The following OR51B5 variants were observed in gnomAD, a reference collection of about 807,000 sequenced individuals.
OR51B5 encodes olfactory receptor 51B5.
For synonymous variants in OR51B5, 186 were observed against 144.8 expected (o/e 1.28, Z -2.04); for missense variants, 456 against 374.6 (o/e 1.22, Z -1.79).
intron 1 of OR51B5, among the ~76,000 whole-genome samples, chr11:5,500,024 T>C (rs908746904): frequency 8.5e-5 from 13 of 152,194 alleles, no homozygotes; most frequent in African/African-American, 3.1e-4. Flanking sequence ...CTGCCTAGCC[T>C]AGGGGTATAA....
At chr11:5,472,335 G>A (rs748393857) in intron 1 of OR51B5, among the ~76,000 whole-genome samples, 1 of 152,190 alleles carries the variant, frequency 6.6e-6, no homozygotes, top group Non-Finnish European at 1.5e-5. Context: ...CTATGAAGGA[G>A]GTGCCTGAGG....
intron 1 of OR51B5, among the ~76,000 whole-genome samples, chr11:5,434,672 C>T (rs900823323): frequency 2.0e-5 from 3 of 152,162 alleles, no homozygotes; most frequent in African/African-American, 7.2e-5. Context: ...AAAAGATTGG[C>T]AACGTCAAGG....
At position 5,460,047 on chromosome 11, in the gene OR51B5, T is replaced by C. The variant is rs144276495; in HGVS notation, n.84+45522A>G. On this transcript the variant is annotated intron_variant and non_coding_transcript_variant, in intron 1 of 4. Transcript: ENST00000415970. The stretch of plus-strand genomic sequence containing the variant: ...TACACCATGGAATTCTACACAGCAA[T>C]AAAAAATAAAGCCATAAAAAATAAG... Among the ~76,000 whole-genome samples, 60 of 151,792 alleles carry C rather than the reference T, an allele frequency of 4.0e-4. 1 individual carries two copies. In the East Asian group the frequency reaches 0.011, roughly 28 times the overall value.
intron 1 of OR51B5, among the ~76,000 whole-genome samples, chr11:5,469,870 G>T (rs1043976195): frequency 1.3e-5 from 2 of 152,084 alleles, no homozygotes; most frequent in Non-Finnish European, 2.9e-5. Context: ...TCTTGTGCAA[G>T]TGATGACATC....
intron 1 of OR51B5, among the ~76,000 whole-genome samples, chr11:5,475,174 T>C (rs1461006532): frequency 6.6e-6 from 1 of 152,200 alleles, no homozygotes; most frequent in African/African-American, 2.4e-5. Flanking sequence ...CCCACATTAT[T>C]CAGCCCTCTT....
intron 1 of OR51B5, among the ~76,000 whole-genome samples, chr11:5,395,642 C>T (rs1395043452): frequency 1.3e-5 from 2 of 152,156 alleles, no homozygotes; most frequent in African/African-American, 4.8e-5. Context: ...TTTCAGAGTG[C>T]TTTCCTCCAC....
intron 1 of OR51B5, among the ~76,000 whole-genome samples, chr11:5,360,776 C>G (rs12285970): frequency 6.9e-6 from 1 of 144,092 alleles, no homozygotes; most frequent in African/African-American, 2.6e-5. Context: ...ATTAAGAAAA[C>G]GTGGCACATA....
chr11:5,478,370 T>A (rs1406021104), intron 1 of OR51B5, among the ~76,000 whole-genome samples: 2 of 149,436 alleles, frequency 1.3e-5, no homozygotes, highest in African/African-American at 2.4e-5. Flanking sequence ...TACATCACCA[T>A]CATCAAAGAC....
chr11:5,426,673 T>G (rs1850454888), intron 1 of OR51B5, among the ~76,000 whole-genome samples: 1 of 152,140 alleles, frequency 6.6e-6, no homozygotes, highest in South Asian at 2.1e-4. Flanking sequence ...TTTTGGCATG[T>G]TGAGTGCTTT....
intron 1 of OR51B5, among the ~76,000 whole-genome samples, chr11:5,434,076 G>A (rs1850564423): frequency 6.6e-6 from 1 of 152,108 alleles, no homozygotes; most frequent in Non-Finnish European, 1.5e-5. Flanking sequence ...CTATGCATCA[G>A]AATCACCTGA....
At chr11:5,402,115 G>T (rs1170563585) in intron 1 of OR51B5, among the ~76,000 whole-genome samples, 1 of 151,904 alleles carries the variant, frequency 6.6e-6, no homozygotes, top group Non-Finnish European at 1.5e-5. Context: ...GGGCCCAAGT[G>T]ATCTTCCCAC....
chr11:5,385,770 GAC>G (rs1197157381), intron 1 of OR51B5, among the ~76,000 whole-genome samples: 2 of 147,518 alleles, frequency 1.4e-5, no homozygotes, highest in South Asian at 2.1e-4. Context: ...TAAATATACA[GAC>G]ACATATATGT....
At chr11:5,487,645 T>C (rs922944370) in intron 1 of OR51B5, among the ~76,000 whole-genome samples, 1 of 152,228 alleles carries the variant, frequency 6.6e-6, no homozygotes, top group African/African-American at 2.4e-5. Context: ...TAATACTAGC[T>C]ATCCCTCTAC....
intron 1 of OR51B5, among the ~76,000 whole-genome samples, chr11:5,348,838 C>T (rs1408292888): frequency 6.6e-6 from 1 of 152,022 alleles, no homozygotes. Context: ...ATCAAGTTTG[C>T]ACTCAATATT....
chr11:5,432,882 C>T (rs866556611), intron 1 of OR51B5, among the ~76,000 whole-genome samples: 3 of 152,108 alleles, frequency 2.0e-5, no homozygotes, highest in Admixed American at 1.3e-4. Flanking sequence ...AGGTTGGAGT[C>T]ATCAGAAAGA....
intron 1 of OR51B5, among the ~76,000 whole-genome samples, chr11:5,442,267 A>G (rs933378582): frequency 3.9e-5 from 6 of 152,210 alleles, no homozygotes; most frequent in Admixed American, 2.0e-4. Flanking sequence ...CAAAGAAGAA[A>G]GTATTTTATG....
In OR51B5 at chr11:5,464,405, G is replaced by A. The variant is rs563312319; in HGVS notation, n.84+41164C>T. ...TGCACCCACTAACTCGTCATCTAGC[G>A]TTAGGTATATCTCCCAATGCTATCC... On this transcript the variant is annotated intron_variant and non_coding_transcript_variant, in intron 1 of 4. Transcript: ENST00000415970. Among the ~76,000 whole-genome samples, 157 of 151,904 alleles carry A rather than the reference G, an allele frequency of 1.0e-3. 1 individual carries two copies. The Middle Eastern group carries it at 0.02, about 20-fold the overall frequency.
At chr11:5,386,596 A>C (rs1849699241) in intron 1 of OR51B5, among the ~76,000 whole-genome samples, 1 of 151,968 alleles carries the variant, frequency 6.6e-6, no homozygotes, top group African/African-American at 2.4e-5. Context: ...AAGTACTGAA[A>C]ACAGTGCAGT....
chr11:5,493,282 G>A (rs969607474), intron 1 of OR51B5, among the ~76,000 whole-genome samples: 2 of 152,180 alleles, frequency 1.3e-5, no homozygotes, highest in Middle Eastern at 3.4e-3. Flanking sequence ...TTGAGAAATC[G>A]ATCTACCTGA....
Sources: allele counts gnomAD v4.1 joint callset (sites outside exome capture counted in the v4.1 genomes callset), GRCh38; gene constraint gnomAD v4.1.1; transcripts MANE v1.5; gene names NCBI Gene and HGNC (gene_info 2026-07-23, HGNC 2026-07-21).